The following SBF2 variants were observed in gnomAD, a reference collection of about 807,000 sequenced individuals.
SBF2 encodes the protein SET binding factor 2.
Under a neutral mutation model 225.2 loss-of-function variants are expected in SBF2, and 112 were observed. The observed-to-expected ratio is 0.50, with a 90% CI of 0.43 to 0.58. SBF2 has a LOEUF of 0.58. Ranked by LOEUF, SBF2 falls within the 20% of genes least tolerant of loss-of-function variation. The probability of loss-of-function intolerance (pLI) is 0.00; values close to 1 mark genes in which losing one functional copy is unlikely to be tolerated. For missense variants in SBF2, 1,996 were observed against 2,206.2 expected (o/e 0.90, Z 1.91); for synonymous variants, 763 against 773.3 (o/e 0.99, Z 0.22).
intron 36 of SBF2, among the ~76,000 whole-genome samples, chr11:9,787,173 C>T (rs549407231): frequency 3.9e-5 from 6 of 152,306 alleles, no homozygotes; most frequent in Admixed American, 6.5e-5. Context: ...GGATTATAGG[C>T]GTGAGCCACC....
In SBF2 at chr11:10,002,602, TC is replaced by T; in HGVS notation, c.706del (p.Asp236MetfsTer9). ...TAAAGATTCCAGGGCTCTACAAGCA[TC>T]ACTAAGTCTCTGGAAACTTGCAGAA... ...FHSASFQRLS[D>X]ACRALESLMF... On this transcript the variant is annotated frameshift_variant, in exon 7 of 40. Transcript: ENST00000256190. LOFTEE classifies it high-confidence loss of function. The T allele has an allele frequency of 1.9e-6, 3 of 1,612,944 alleles. No homozygotes were observed. Among genetic ancestry groups the T allele is most frequent in the Non-Finnish European group, 2.5e-6 (3 of 1,178,990 alleles).
chr11:10,118,936 AC>A (rs1191774314), intron 2 of SBF2, among the ~76,000 whole-genome samples: 5 of 149,566 alleles, frequency 3.3e-5, no homozygotes, highest in African/African-American at 1.2e-4. Flanking sequence ...AAACAAACAA[AC>A]AAAAAAAAAA....
At chr11:10,004,584 AAAAAAAAAAAAC>A in intron 6 of SBF2, among the ~76,000 whole-genome samples, 1 of 148,500 alleles carries the variant, frequency 6.7e-6, no homozygotes. Context: ...TAAAAAAAAA[AAAAAAAAAAAAC>A]AAACTACATA....
intron 2 of SBF2, among the ~76,000 whole-genome samples, chr11:10,137,595 T>G (rs184140009): frequency 6.6e-6 from 1 of 152,232 alleles, no homozygotes; most frequent in African/African-American, 2.4e-5. Context: ...TAAGATTTTT[T>G]AAAAATTATA....
chr11:10,061,702 C>G (rs1053661790), intron 2 of SBF2, among the ~76,000 whole-genome samples: 1 of 152,082 alleles, frequency 6.6e-6, no homozygotes, highest in African/African-American at 2.4e-5. Flanking sequence ...TAGACACAAA[C>G]AAATGGAAAA....
chr11:9,919,270 C>CTTTTTTT (rs779718076), intron 16 of SBF2, among the ~76,000 whole-genome samples: 2 of 139,902 alleles, frequency 1.4e-5, no homozygotes, highest in Non-Finnish European at 3.0e-5. Context: ...TCTTCTTCTT[C>CTTTTTTT]TTTTTTTTTT....
At chr11:9,847,671 C>CT (rs1281873231) in intron 22 of SBF2, among the ~76,000 whole-genome samples, 1 of 152,096 alleles carries the variant, frequency 6.6e-6, no homozygotes, top group African/African-American at 2.4e-5. Context: ...CAAGCCTGGA[C>CT]TTAAGCGCAA....
At chr11:10,128,622 A>C (rs1016882657) in intron 2 of SBF2, among the ~76,000 whole-genome samples, 1 of 152,220 alleles carries the variant, frequency 6.6e-6, no homozygotes, top group African/African-American at 2.4e-5. Flanking sequence ...ACTGGTTAAA[A>C]ACTCTGATGA....
intron 1 of SBF2, among the ~76,000 whole-genome samples, chr11:10,218,488 A>G (rs1482941463): frequency 6.6e-6 from 1 of 151,748 alleles, no homozygotes; most frequent in Non-Finnish European, 1.5e-5. Flanking sequence ...TTCTCAACCA[A>G]TCATGCCTTC....
Position 9,789,201 on chromosome 11 carries a change from C to G in SBF2, c.4840G>C (p.Glu1614Gln). ...CTCCTCTGGCTCCGTGGCCCAGCTT[C>G]TCCAGCCAGGTCAGAGTCTTCGGAG... Reference protein sequence around the residue: ...FPSEDSDLAGEAGPRSQRRTV... With the variant: ...FPSEDSDLAGQAGPRSQRRTV... The change falls in exon 35 of 40, where the codon GAA becomes CAA. Residue 1614 changes from glutamate to glutamine, a missense_variant. Coordinates refer to ENST00000256190, the MANE Select transcript of SBF2 (RefSeq NM_030962.4). 1.2e-6 allele frequency: 2 copies of G among 1,614,188 alleles called. No individual in the cohort carries two copies.
At chr11:9,857,191 C>A (rs1223048329) in intron 18 of SBF2, among the ~76,000 whole-genome samples, 3 of 152,100 alleles carry the variant, frequency 2.0e-5, no homozygotes, top group African/African-American at 7.2e-5. Flanking sequence ...GTCTTCTTTC[C>A]CAGATCCAAC....
intron 2 of SBF2, among the ~76,000 whole-genome samples, chr11:10,155,149 G>A (rs1285662067): frequency 6.6e-6 from 1 of 152,108 alleles, no homozygotes; most frequent in Admixed American, 6.5e-5. Context: ...TGGAAAACAC[G>A]TTAGGCAAAA....
At chr11:9,939,027 A>C (rs573411135) in intron 16 of SBF2, among the ~76,000 whole-genome samples, 299 of 152,310 alleles carry the variant, frequency 2.0e-3, no homozygotes, top group Non-Finnish European at 3.3e-3. Context: ...AAAAGTATAC[A>C]TAAGCAAGTC....
chr11:10,288,587 A>G (rs538178124), intron 1 of SBF2, among the ~76,000 whole-genome samples: 7 of 151,972 alleles, frequency 4.6e-5, no homozygotes, highest in Admixed American at 1.3e-4. Flanking sequence ...CTCAGCAGAG[A>G]GGTCCTAGAC....
At chr11:10,304,629 G>T (rs1379144706) in exon 1 of SBF2, 2 of 194 alleles carry the variant, frequency 0.01, no homozygotes, top group African/African-American at 0.12. Flanking sequence ...AAGCCGGCAG[G>T]GGGGCGCGGT....
At chr11:10,270,140 T>C (rs1437718396) in intron 1 of SBF2, among the ~76,000 whole-genome samples, 1 of 152,118 alleles carries the variant, frequency 6.6e-6, no homozygotes, top group African/African-American at 2.4e-5. Context: ...AAAAACATTT[T>C]GTAGTTAATA....
chr11:9,809,692 A>G (rs1854064053), intron 30 of SBF2, among the ~76,000 whole-genome samples: 1 of 151,802 alleles, frequency 6.6e-6, no homozygotes, highest in South Asian at 2.1e-4. Context: ...TTACAGGTGC[A>G]TACCAGTGCA....
intron 6 of SBF2, among the ~76,000 whole-genome samples, chr11:10,014,871 T>G (rs1381785639): frequency 5.9e-5 from 9 of 152,244 alleles, no homozygotes; most frequent in Admixed American, 1.3e-4. Context: ...GGCTCATGCC[T>G]GTAATCCCAG....
chr11:9,979,810 C>CT (rs933648882), intron 13 of SBF2, among the ~76,000 whole-genome samples: 6,648 of 137,188 alleles, frequency 0.048, 193 homozygotes, highest in Middle Eastern at 0.14. Flanking sequence ...TTAAATTCAT[C>CT]TTTTTTTTTT....
Sources: gnomAD v4.1 joint callset for allele counts (sites outside exome capture counted in the v4.1 genomes callset) on GRCh38, gnomAD v4.1.1 for gene constraint, MANE v1.5 for transcripts, NCBI Gene and HGNC (gene_info 2026-07-23, HGNC 2026-07-21) for gene names.